The following TRPM3 variants were observed in gnomAD, a reference collection of about 807,000 sequenced individuals.
TRPM3 encodes the protein long transient receptor potential channel 3.
A neutral mutation model predicts 181.2 loss-of-function variants in TRPM3; 77 were observed. The observed-to-expected ratio is 0.42, with a 90% CI of 0.35 to 0.51. TRPM3 has a LOEUF of 0.51. TRPM3 is among the 20% of genes least tolerant of loss of function. The probability of loss-of-function intolerance (pLI) is 0.01; values close to 1 mark genes in which losing one functional copy is unlikely to be tolerated. For synonymous variants in TRPM3, 745 were observed against 796.4 expected, an observed-to-expected ratio of 0.94 and a Z score of 1.09; for missense variants, 1,759 against 2,196.7, an observed-to-expected ratio of 0.80 and a Z score of 3.98.
chr9:70,940,984 C>T (rs552401898), intron 1 of TRPM3, among the ~76,000 whole-genome samples: 15 of 152,230 alleles, frequency 9.9e-5, no homozygotes, highest in Middle Eastern at 3.4e-3. Flanking sequence ...TAGTACTTTG[C>T]GTATGAATTA....
chr9:70,859,045 T>C (rs2095458711), intron 3 of TRPM3, among the ~76,000 whole-genome samples: 1 of 152,126 alleles, frequency 6.6e-6, no homozygotes, highest in African/African-American at 2.4e-5. Context: ...TGGCAGAAGT[T>C]CACCTGCCTT....
chr9:71,259,653 C>T (rs1005354395), intron 1 of TRPM3, among the ~76,000 whole-genome samples: 1 of 152,034 alleles, frequency 6.6e-6, no homozygotes, highest in African/African-American at 2.4e-5. Flanking sequence ...TGATGATGAG[C>T]CTTTTTTTTT....
At chr9:71,383,260 G>A (rs183162502) in intron 1 of TRPM3, among the ~76,000 whole-genome samples, 5 of 152,080 alleles carry the variant, frequency 3.3e-5, no homozygotes, top group Admixed American at 2.0e-4. Context: ...TTTTCTTGAC[G>A]CGTTGAAATA....
intron 1 of TRPM3, among the ~76,000 whole-genome samples, chr9:70,949,024 T>C (rs1451126680): frequency 6.6e-6 from 1 of 152,084 alleles, no homozygotes; most frequent in African/African-American, 2.4e-5. Context: ...TAGACTTAAA[T>C]GTATGTATTC....
intron 1 of TRPM3, among the ~76,000 whole-genome samples, chr9:71,070,047 T>C (rs1211558201): frequency 8.5e-5 from 13 of 152,246 alleles, no homozygotes; most frequent in Non-Finnish European, 1.5e-5. Context: ...TTTATTTTAA[T>C]GAGTATTGAC....
intron 20 of TRPM3, among the ~76,000 whole-genome samples, chr9:70,602,877 G>T (rs1285973160): frequency 6.6e-6 from 1 of 152,178 alleles, no homozygotes; most frequent in Non-Finnish European, 1.5e-5. Flanking sequence ...CAGCAGGTAC[G>T]AGCAGAATGT....
chr9:71,074,623 T>A (rs1236259080), intron 1 of TRPM3, among the ~76,000 whole-genome samples: 1 of 152,188 alleles, frequency 6.6e-6, no homozygotes, highest in Non-Finnish European at 1.5e-5. Flanking sequence ...AAAATAATGA[T>A]GATAGAAGTT....
chr9:71,176,261 T>C (rs2077101961), intron 1 of TRPM3, among the ~76,000 whole-genome samples: 1 of 152,158 alleles, frequency 6.6e-6, no homozygotes, highest in Non-Finnish European at 1.5e-5. Context: ...TTATTGCCCC[T>C]GAAGACCTTC....
intron 9 of TRPM3, among the ~76,000 whole-genome samples, chr9:70,645,351 CA>C (rs779017499): frequency 1.3e-5 from 2 of 151,182 alleles, no homozygotes; most frequent in Non-Finnish European, 3.0e-5. Context: ...GCACTGGTAC[CA>C]AAACAGATAT....
intron 8 of TRPM3, among the ~76,000 whole-genome samples, chr9:70,747,755 A>G (rs567014294): frequency 6.6e-6 from 1 of 152,144 alleles, no homozygotes; most frequent in African/African-American, 2.4e-5. Context: ...GCCACTTTAC[A>G]GAAAAGTTTG....
intron 1 of TRPM3, among the ~76,000 whole-genome samples, chr9:70,937,869 C>T (rs558048742): frequency 1.7e-5 from 2 of 116,870 alleles, no homozygotes; most frequent in African/African-American, 6.7e-5. Flanking sequence ...TAAAAGCTAG[C>T]ATTTGGGGTC....
At chr9:71,411,013 C>A (rs561843873) in intron 1 of TRPM3, among the ~76,000 whole-genome samples, 54 of 152,198 alleles carry the variant, frequency 3.5e-4, no homozygotes, top group Non-Finnish European at 7.5e-4. Flanking sequence ...ACATGATTAT[C>A]TCAATAGATG....
intron 6 of TRPM3, among the ~76,000 whole-genome samples, chr9:70,821,845 T>A (rs2093197903): frequency 6.6e-6 from 1 of 152,214 alleles, no homozygotes; most frequent in African/African-American, 2.4e-5. Flanking sequence ...AAATCCCAGA[T>A]TGATGCCTAT....
At chr9:70,792,424 G>A (rs1011470627) in intron 6 of TRPM3, among the ~76,000 whole-genome samples, 4 of 151,838 alleles carry the variant, frequency 2.6e-5, no homozygotes, top group African/African-American at 9.7e-5. Context: ...GCCCCAGGAA[G>A]AGGGAAGGAA....
rs757017092 is a variant in TRPM3, at chr9:70,776,511, A to C, written c.1148+7594T>G. On this transcript the variant is annotated intron_variant, in intron 7 of 25. Transcript: ENST00000677713. Reference sequence around the variant, plus strand: ...AGCTAGTCAAAAAATGATTTGCAAAAGAAACAAGGAAATAAGTAAACTGAA... The same window carrying C: ...AGCTAGTCAAAAAATGATTTGCAAACGAAACAAGGAAATAAGTAAACTGAA... 8 of 694,886 alleles carry C rather than the reference A, an allele frequency of 1.2e-5. No homozygotes were observed. In the South Asian group the frequency reaches 1.3e-4, roughly 11 times the overall value. 43.0% of individuals were successfully genotyped at this position (694,886 alleles called of 1,614,324 possible). A position where few individuals can be genotyped will look rare whatever the true frequency, so the allele number is the denominator to read the frequency against.
At chr9:70,812,702 C>A (rs2092241670) in intron 6 of TRPM3, among the ~76,000 whole-genome samples, 1 of 152,154 alleles carries the variant, frequency 6.6e-6, no homozygotes, top group Non-Finnish European at 1.5e-5. Context: ...TGGAACCAAG[C>A]ACAACATTGG....
Position 71,413,038 on chromosome 9 carries a change from A to C in TRPM3, c.183+33615T>G, listed in dbSNP as rs541435021. On this transcript the variant is annotated intron_variant, in intron 1 of 24. Coordinates refer to the TRPM3 transcript ENST00000357533. ...CCGCATGTTCTCACTCATAGGTGGG[A>C]ATTGAACAATGAGAACACTTGGACA... is the stretch of plus-strand genomic sequence containing the variant. 7.6e-3 allele frequency among the ~76,000 whole-genome samples: 1,159 copies of C among 152,260 alleles called. 8 individuals carry two copies. The highest frequency in any genetic ancestry group is 0.01 in the Non-Finnish European group (690 of 68,028).
intron 1 of TRPM3, among the ~76,000 whole-genome samples, chr9:71,031,486 T>A (rs1172214514): frequency 6.6e-6 from 1 of 152,196 alleles, no homozygotes; most frequent in Non-Finnish European, 1.5e-5. Flanking sequence ...ATGAGATATA[T>A]AGCATAGTAA....
intron 1 of TRPM3, among the ~76,000 whole-genome samples, chr9:71,089,689 A>C (rs1197622656): frequency 1.3e-5 from 2 of 152,146 alleles, no homozygotes; most frequent in East Asian, 3.9e-4. Context: ...AGAGTTAGCA[A>C]CCATAACCAT....
Sources: gnomAD v4.1 joint callset for allele counts (sites outside exome capture counted in the v4.1 genomes callset) on GRCh38, gnomAD v4.1.1 for gene constraint, MANE v1.5 for transcripts, NCBI Gene and HGNC (gene_info 2026-07-23, HGNC 2026-07-21) for gene names.